Variants in ZDHHC24 observed in about 807,000 individuals in gnomAD.
ZDHHC24 encodes probable palmitoyltransferase ZDHHC24.
ZDHHC24 carries 17 observed loss-of-function variants against 23.2 expected under a neutral mutation model. That is an observed-to-expected ratio of 0.73 (90% confidence interval 0.50 to 1.10). The LOEUF is 1.10. Among genes scored for constraint, ZDHHC24 ranks in the 50% least tolerant of loss-of-function variants. The pLI, the probability that ZDHHC24 is intolerant of heterozygous loss-of-function variation, is 0.00. For missense variants in ZDHHC24, 366 were observed against 393.0 expected (o/e 0.93, Z 0.58); for synonymous variants, 186 against 194.5 (o/e 0.96, Z 0.36).
intron 2 of ZDHHC24, among the ~76,000 whole-genome samples, chr11:66,530,167 C>T (rs1421881833): frequency 2.0e-5 from 3 of 152,146 alleles, no homozygotes; most frequent in South Asian, 2.1e-4. Flanking sequence ...CCTCTCCCCT[C>T]GGCTGGCCAT....
intron 4 of ZDHHC24, chr11:66,526,688 T>G (rs755412759): frequency 6.2e-7 from 1 of 1,614,154 alleles, no homozygotes; most frequent in Admixed American, 1.7e-5. Flanking sequence ...CGTACAGCAG[T>G]GTTTGTAGAG....
chr11:66,545,946 C>A lies in ZDHHC24; in HGVS notation c.58G>T (p.Val20Leu). 1 of 1,463,692 alleles carries A rather than the reference C, an allele frequency of 6.8e-7. No homozygotes were observed. The highest frequency in any genetic ancestry group is 8.9e-7 in the Non-Finnish European group (1 of 1,120,832). 90.7% of individuals were successfully genotyped at this position (1,463,692 alleles called of 1,614,324 possible). A position where few individuals can be genotyped will look rare whatever the true frequency, so the allele number is the denominator to read the frequency against. The change falls in exon 1 of 3, where the codon GTG (valine) becomes TTG (leucine). Residue 20 changes from valine (V) to leucine (L), a missense_variant. Val to Leu is a conservative substitution (Grantham distance 32, BLOSUM62 1). Transcript: ENST00000310442. The surrounding 1 kb of genome is among the most constrained non-coding windows in gnomAD (Gnocchi z 4.5). ...TDGAPAQLPL[V>L]LTALWAAAVG... ...GCCGCGGCCCACAGCGCGGTGAGCA[C>A]GAGAGGCAGCTGCGCGGGCGCCCCG...
intron 2 of ZDHHC24, among the ~76,000 whole-genome samples, chr11:66,529,640 GGCGTC>G: frequency 6.6e-6 from 1 of 151,892 alleles, no homozygotes; most frequent in South Asian, 2.1e-4. Context: ...GCGAGGCCAC[GGCGTC>G]GAGTTTTGCC....
chr11:66,526,068 T>A, intron 4 of ZDHHC24: 1 of 1,559,506 alleles, frequency 6.4e-7, no homozygotes, highest in Admixed American at 1.7e-5. Flanking sequence ...CCATCCCCTG[T>A]CTTGCTTTCC....
At chr11:66,531,615 C>T, downstream of ZDHHC24, 1 of 1,613,686 alleles carries the variant, frequency 6.2e-7, no homozygotes, top group African/African-American at 1.3e-5. Flanking sequence ...CAAACACTGG[C>T]ACGAGGGCTG....
chr11:66,530,260 T>TA (rs1232735692), intron 2 of ZDHHC24, among the ~76,000 whole-genome samples: 2 of 152,126 alleles, frequency 1.3e-5, no homozygotes, highest in South Asian at 2.1e-4. Flanking sequence ...AAGGGATCCT[T>TA]ACAGCTATGG....
chr11:66,539,936 T>C, intron 2 of ZDHHC24, 112 bp from the exon 3 acceptor site: 2 of 1,126,782 alleles, frequency 1.8e-6, no homozygotes, highest in South Asian at 1.8e-5. Context: ...GCAAACCCTG[T>C]GTCGATACTC....
At chr11:66,522,453 T>A (rs897301383) in intron 4 of ZDHHC24, among the ~76,000 whole-genome samples, 1 of 151,508 alleles carries the variant, frequency 6.6e-6, no homozygotes, top group African/African-American at 2.4e-5. Context: ...GTTCAAGCGA[T>A]TCTCCTGCCT....
At chr11:66,531,665 C>T, downstream of ZDHHC24, 1 of 1,614,136 alleles carries the variant, frequency 6.2e-7, no homozygotes, top group Non-Finnish European at 8.5e-7. Context: ...GGTACCCTTG[C>T]TGGTGCCAGG....
At chr11:66,523,375 T>G (rs1856324927) in intron 4 of ZDHHC24, 16 of 1,597,432 alleles carry the variant, frequency 1.0e-5, no homozygotes, top group East Asian at 2.2e-5. Context: ...GGTGAGTCCA[T>G]GAGGTTTAGA....
chr11:66,530,747 C>A (rs1243573831), downstream of ZDHHC24: 2 of 1,197,516 alleles, frequency 1.7e-6, no homozygotes, highest in Admixed American at 1.8e-5. Context: ...ATCCCTCTGC[C>A]CCTTCTGGTC....
chr11:66,521,440 C>T, exon 5 of ZDHHC24: 1 of 1,300,876 alleles, frequency 7.7e-7, no homozygotes, highest in Non-Finnish European at 1.1e-6. Flanking sequence ...GCTTCAGAGG[C>T]TTGCAAGATG....
Position 66,539,748 on chromosome 11 carries a change from A to G in ZDHHC24, c.636T>C (p.Ala212=), listed in dbSNP as rs769035719. The change falls in exon 3 of 3, where the codon GCT becomes GCC. Residue 212 remains alanine (A), a synonymous_variant. Transcript: ENST00000310442. ...GCAGCATCCCATGGAAGAGCAGCCC[A>G]GCCCCGCACAGCAGCGCACCCGCCA... is the stretch of plus-strand genomic sequence containing the variant. The part of the protein sequence containing the change: ...TCVAGALLCG[A]GLLFHGMLLL... 1 of 1,613,080 alleles carries G rather than the reference A, an allele frequency of 6.2e-7. No homozygotes were observed.
chr11:66,529,289 G>A (rs1419771478), intron 3 of ZDHHC24: 2 of 1,535,148 alleles, frequency 1.3e-6, no homozygotes, highest in South Asian at 2.4e-5. Context: ...TGATGGACAG[G>A]GAGGCAGTGA....
chr11:66,523,625 C>G, intron 4 of ZDHHC24: 2 of 1,613,204 alleles, frequency 1.2e-6, no homozygotes, highest in African/African-American at 1.3e-5. Context: ...GTCCCTAGCC[C>G]CCACTTGGCA....
intron 4 of ZDHHC24, chr11:66,524,328 T>C (rs1856392521): frequency 7.0e-6 from 2 of 285,978 alleles, no homozygotes; most frequent in African/African-American, 2.2e-5. Context: ...AGTCACCATA[T>C]TGGTAGGGGT....
intron 3 of ZDHHC24, among the ~76,000 whole-genome samples, chr11:66,528,583 G>A (rs917568490): frequency 6.6e-6 from 1 of 152,212 alleles, no homozygotes; most frequent in African/African-American, 2.4e-5. Flanking sequence ...TGGAAAGTCA[G>A]AGTGTGTGAA....
chr11:66,529,676 T>C (rs1856681842), intron 2 of ZDHHC24: 2 of 1,073,768 alleles, frequency 1.9e-6, no homozygotes, highest in East Asian at 2.5e-5. Context: ...GCTCTTTCCC[T>C]CCTCCCCAGC....
rs1287231083 is a variant in ZDHHC24 at position 66,546,005 on chromosome 11, G to T, written c.-2C>A. On this transcript the variant is annotated 5_prime_UTR_variant, in exon 1 of 3. Coordinates refer to ENST00000310442, the MANE Select transcript of ZDHHC24 (RefSeq NM_207340.3). Reference sequence around the variant, plus strand: ...CCCAGCCGCCCAGGGCTGCCCCATGGCCTGGACACCCAGCTGTCGGAGCCG... The same window carrying T: ...CCCAGCCGCCCAGGGCTGCCCCATGTCCTGGACACCCAGCTGTCGGAGCCG... 2.2e-6 allele frequency: 3 copies of T among 1,389,688 alleles called. No homozygotes were observed. In the African/African-American group the frequency reaches 4.6e-5, roughly 21 times the overall value. The allele number at this position is 1,389,688 out of a possible 1,614,324, so 86.1% of individuals were successfully genotyped here. A position where few individuals can be genotyped will look rare whatever the true frequency, so the allele number is the denominator to read the frequency against.
Sources: gnomAD v4.1 joint callset for allele counts (sites outside exome capture counted in the v4.1 genomes callset) on GRCh38, gnomAD v4.1.1 for gene constraint, Gnocchi (gnomAD v3.1) non-coding constraint, MANE v1.5 for transcripts, NCBI Gene and HGNC (gene_info 2026-07-23, HGNC 2026-07-21) for gene names.